The following SIDT1 variants were observed in gnomAD, a reference collection of about 807,000 sequenced individuals.
SIDT1 encodes the protein SID1 transmembrane family, member 1.
In SIDT1, 101 loss-of-function variants were observed where a neutral mutation model predicts 107.5. That is an observed-to-expected ratio of 0.94 (90% CI 0.80 to 1.11). SIDT1 has a LOEUF of 1.11. Among genes scored for constraint, SIDT1 ranks in the 50% least tolerant of loss-of-function variants. The pLI is 0.00. For synonymous variants in SIDT1, 395 were observed against 398.2 expected (o/e 0.99, Z 0.10); for missense variants, 1,076 against 1,058.2 (o/e 1.02, Z -0.23).
chr3:113,578,652 AGCCTGG>A (rs1943102550), intron 4 of SIDT1, among the ~76,000 whole-genome samples: 1 of 152,108 alleles, frequency 6.6e-6, no homozygotes, highest in African/African-American at 2.4e-5. Flanking sequence ...GTTCAAGACC[AGCCTGG>A]GCAACATAGC....
chr3:113,546,370 A>G (rs757596165), intron 1 of SIDT1, among the ~76,000 whole-genome samples: 4 of 151,458 alleles, frequency 2.6e-5, no homozygotes, highest in Non-Finnish European at 4.4e-5. Context: ...CTTTAAAACT[A>G]CTTTTTTTTT....
intron 9 of SIDT1, among the ~76,000 whole-genome samples, chr3:113,586,262 A>G (rs1401336371): frequency 6.6e-6 from 1 of 152,246 alleles, no homozygotes; most frequent in Non-Finnish European, 1.5e-5. Context: ...ATAATGAATT[A>G]TAAACCATTG....
intron 3 of SIDT1, 110 bp from the exon 4 acceptor site, chr3:113,576,812 T>C: frequency 8.8e-7 from 1 of 1,137,968 alleles, no homozygotes; most frequent in Non-Finnish European, 1.3e-6. Flanking sequence ...GGTGAAGCTC[T>C]CCTTGAGTCT....
At chr3:113,592,870 G>A in intron 9 of SIDT1, 135 bp from the exon 10 acceptor site, 1 of 740,922 alleles carries the variant, frequency 1.3e-6, no homozygotes. Context: ...ACAGGTGTGT[G>A]CCACCGCACC....
chr3:113,604,831 G>A, intron 13 of SIDT1, 79 bp from the exon 14 acceptor site: 2 of 1,506,564 alleles, frequency 1.3e-6, no homozygotes, highest in South Asian at 1.1e-5. Flanking sequence ...TGGGGTGGAA[G>A]CATTCTTTTA....
intron 19 of SIDT1, among the ~76,000 whole-genome samples, chr3:113,614,287 T>C (rs1363181605): frequency 3.3e-5 from 5 of 152,146 alleles, no homozygotes; most frequent in Non-Finnish European, 7.3e-5. Context: ...AATCCACTGA[T>C]ATCATCCACA....
chr3:113,608,016 A>G, intron 15 of SIDT1, 78 bp from the exon 16 acceptor site: 1 of 1,365,090 alleles, frequency 7.3e-7, no homozygotes, highest in Non-Finnish European at 9.8e-7. Flanking sequence ...GAATTCATTC[A>G]TTCCTTCATG....
chr3:113,550,239 G>T (rs954502084), intron 1 of SIDT1, among the ~76,000 whole-genome samples: 1 of 152,024 alleles, frequency 6.6e-6, no homozygotes, highest in Non-Finnish European at 1.5e-5. Context: ...TATGAACATG[G>T]TCAGCCCATC....
At position 113,583,457 on chromosome 3, in the gene SIDT1, C is replaced by G; in HGVS notation, c.796C>G (p.Pro266Ala). The change falls in exon 7 of 25, where the codon CCT becomes GCT. Residue 266 changes from proline (P) to alanine (A), a missense_variant. Physicochemically the swap from Pro to Ala is conservative, Grantham distance 27. Coordinates refer to ENST00000264852, the MANE Select transcript of SIDT1 (RefSeq NM_017699.3). Reference protein sequence around the residue: ...EQFFVVFVIKPEDYACGGSFF... With the variant: ...EQFFVVFVIKAEDYACGGSFF... ...GTTCTTCGTGGTATTTGTGATAAAG[C>G]CTGAAGATTATGCCTGTGGAGGATC... 1 of 1,600,266 alleles carries G rather than the reference C, an allele frequency of 6.2e-7. No individual in the cohort carries two copies. The highest frequency in any genetic ancestry group is 8.5e-7 in the Non-Finnish European group (1 of 1,170,414).
chr3:113,608,432 C>A lies in SIDT1; in HGVS notation c.1616C>A (p.Pro539His), dbSNP rs201744130. Reference protein sequence around the residue: ...KDIFAVEYGIPKHFGLFYAMG... With the variant: ...KDIFAVEYGIHKHFGLFYAMG... ...CTCCTTTTTCAGGAGTACGGGATTCCCAAACACTTTGGTCTCTTCTACGCT... is the reference window on the plus strand; with the variant it reads ...CTCCTTTTTCAGGAGTACGGGATTCACAAACACTTTGGTCTCTTCTACGCT... Residue 539 changes from proline to histidine, a missense_variant, in exon 17 of 25, where the codon CCC (proline) becomes CAC (histidine). Physicochemically the swap from Pro to His is moderately conservative, Grantham distance 77 (BLOSUM62 -2). Coordinates refer to ENST00000264852, the MANE Select transcript of SIDT1 (RefSeq NM_017699.3). 3.7e-6 allele frequency: 6 copies of A among 1,613,212 alleles called. No homozygotes were observed. Among genetic ancestry groups the A allele is most frequent in the Non-Finnish European group, 5.1e-6 (6 of 1,179,288 alleles).
downstream of SIDT1, among the ~76,000 whole-genome samples, chr3:113,631,170 C>T (rs1296395762): frequency 6.6e-6 from 1 of 152,150 alleles, no homozygotes; most frequent in Non-Finnish European, 1.5e-5. Flanking sequence ...TGTCTCTGCC[C>T]TGGGAATCTC....
At chr3:113,560,006 C>T (rs948503050) in intron 1 of SIDT1, among the ~76,000 whole-genome samples, 1 of 152,114 alleles carries the variant, frequency 6.6e-6, no homozygotes, top group Non-Finnish European at 1.5e-5. Context: ...ATATTCTGAC[C>T]AAGCATTGCA....
intron 4 of SIDT1, among the ~76,000 whole-genome samples, chr3:113,579,015 AC>A (rs1407418485): frequency 6.6e-6 from 1 of 152,220 alleles, no homozygotes; most frequent in Admixed American, 6.5e-5. Context: ...CTCTTTGATT[AC>A]AGGAAATATT....
intron 17 of SIDT1, among the ~76,000 whole-genome samples, chr3:113,609,397 C>T (rs1398238051): frequency 6.6e-6 from 1 of 152,020 alleles, no homozygotes; most frequent in Non-Finnish European, 1.5e-5. Context: ...ATTCTCTAAG[C>T]GCTGGTTAGC....
intron 23 of SIDT1, among the ~76,000 whole-genome samples, 153 bp downstream of exon 23, chr3:113,623,886 A>G (rs1946657649): frequency 6.6e-6 from 1 of 152,238 alleles, no homozygotes; most frequent in Non-Finnish European, 1.5e-5. Context: ...ACAAATGCAC[A>G]ATAACTGCAT....
chr3:113,614,915 A>G (rs1945997413), intron 19 of SIDT1: 2 of 746,070 alleles, frequency 2.7e-6, no homozygotes, highest in Non-Finnish European at 4.4e-6. Flanking sequence ...TCTCTTTGAC[A>G]AGTAAGCATT....
rs377289588 is a variant in SIDT1, at chr3:113,599,169, A to G, written c.1046-2419A>G. 1.6e-4 allele frequency among the ~76,000 whole-genome samples: 24 copies of G among 152,332 alleles called. 1 individual carries two copies. Among genetic ancestry groups the G allele is most frequent in the African/African-American group, 5.5e-4 (23 of 41,592 alleles). On this transcript the variant is annotated intron_variant, in intron 10 of 24. Coordinates refer to ENST00000264852, the MANE Select transcript of SIDT1 (RefSeq NM_017699.3). Reference sequence around the variant, plus strand: ...AAAATAAAATAGGGAGCTTGAAAAGAGAAAAATGTGAAAGATACTGAGGGG... The same window carrying G: ...AAAATAAAATAGGGAGCTTGAAAAGGGAAAAATGTGAAAGATACTGAGGGG...
Position 113,585,329 on chromosome 3 carries a change from C to A in SIDT1, c.1001+59C>A. The stretch of plus-strand genomic sequence containing the variant: ...TGTGCCTGTCTCTGTGTAACGCTTG[C>A]AGCACAGACTTGACAGATATATTGA... On this transcript the variant is annotated intron_variant, in intron 9 of 24. Coordinates refer to ENST00000264852, the MANE Select transcript of SIDT1 (RefSeq NM_017699.3). 7 of 1,236,520 alleles carry A rather than the reference C, an allele frequency of 5.7e-6. No individual in the cohort carries two copies. In the Middle Eastern group the frequency reaches 7.6e-4, roughly 134 times the overall value. The allele number at this position is 1,236,520 out of a possible 1,614,324, so 76.6% of individuals were successfully genotyped here. A position where few individuals can be genotyped will look rare whatever the true frequency, so the allele number is the denominator to read the frequency against.
At chr3:113,627,322 C>T (rs1946924195) in intron 24 of SIDT1, among the ~76,000 whole-genome samples, 3 of 152,180 alleles carry the variant, frequency 2.0e-5, no homozygotes, top group Admixed American at 2.0e-4. Flanking sequence ...CTATATTTTA[C>T]TCATGTATTT....
Sources: gnomAD v4.1 joint callset for allele counts (sites outside exome capture counted in the v4.1 genomes callset) on GRCh38, gnomAD v4.1.1 for gene constraint, MANE v1.5 for transcripts, NCBI Gene and HGNC (gene_info 2026-07-23, HGNC 2026-07-21) for gene names.